The following NALCN variants were observed in gnomAD, a reference collection of about 807,000 sequenced individuals.
NALCN encodes sodium leak channel NALCN.
In NALCN, 111 loss-of-function variants were observed where a neutral mutation model predicts 225.3. That is an observed-to-expected ratio of 0.49 (90% CI 0.42 to 0.58). NALCN has a LOEUF of 0.58. Ranked by LOEUF, NALCN falls within the 20% of genes least tolerant of loss-of-function variation. The probability of loss-of-function intolerance (pLI) is 0.00; values close to 1 mark genes in which losing one functional copy is unlikely to be tolerated. For synonymous variants in NALCN, 764 were observed against 769.0 expected (o/e 0.99, Z 0.11); for missense variants, 1,378 against 2,202.4 (o/e 0.63, Z 7.49).
rs549001898 is a variant in NALCN, at chr13:101,283,940, C to A, written c.1127G>T (p.Cys376Phe). 3.1e-6 allele frequency: 5 copies of A among 1,611,182 alleles called. No homozygotes were observed. The East Asian group carries it at 8.9e-5, about 29-fold the overall frequency. The change falls in exon 10 of 44, where the codon TGC becomes TTC. Residue 376 changes from cysteine (C) to phenylalanine (F), a missense_variant. Physicochemically the swap from Cys to Phe is radical, Grantham distance 205. Coordinates refer to ENST00000251127, the MANE Select transcript of NALCN (RefSeq NM_052867.4). Reference protein sequence around the residue: ...VNKPQGRAPACLQKMMRSSVF... With the variant: ...VNKPQGRAPAFLQKMMRSSVF... The stretch of plus-strand genomic sequence containing the variant: ...AATGTCATTGTACTGCACCTGGAGG[C>A]AGGCTGGGGCGCGTCCCTGGGGCTT...
At chr13:101,066,182 C>T (rs529749052) in intron 39 of NALCN, among the ~76,000 whole-genome samples, 3 of 151,920 alleles carry the variant, frequency 2.0e-5, no homozygotes, top group Admixed American at 2.0e-4. Flanking sequence ...AAAAATTACC[C>T]GGACATAGTG....
intron 9 of NALCN, among the ~76,000 whole-genome samples, chr13:101,288,698 A>G (rs539132606): frequency 1.3e-5 from 2 of 152,350 alleles, no homozygotes; most frequent in South Asian, 4.1e-4. Context: ...TGCAATCAGA[A>G]TATTTAATTA....
At chr13:101,061,405 A>C (rs1256110573) in intron 41 of NALCN, among the ~76,000 whole-genome samples, 1 of 150,356 alleles carries the variant, frequency 6.7e-6, no homozygotes, top group Non-Finnish European at 1.5e-5. Context: ...TTTTTGAGAC[A>C]GATTCTCACT....
intron 39 of NALCN, among the ~76,000 whole-genome samples, chr13:101,066,308 CA>C (rs72260451): frequency 0.087 from 10,837 of 125,008 alleles, 407 homozygotes; most frequent in South Asian, 0.17. Flanking sequence ...GACTCCATCT[CA>C]AAAAAAAAAA....
At chr13:101,407,730 G>A (rs1042917955) in intron 1 of NALCN, among the ~76,000 whole-genome samples, 7 of 152,236 alleles carry the variant, frequency 4.6e-5, no homozygotes, top group African/African-American at 1.7e-4. Flanking sequence ...TTTGTCGGGA[G>A]AACAGAGGGA....
chr13:101,133,883 T>C (rs948567378), intron 17 of NALCN, among the ~76,000 whole-genome samples: 10 of 152,128 alleles, frequency 6.6e-5, no homozygotes, highest in African/African-American at 1.9e-4. Flanking sequence ...AGATTTCTTA[T>C]TGTAGGCCAG....
intron 6 of NALCN, among the ~76,000 whole-genome samples, chr13:101,373,841 T>A (rs1313602858): frequency 6.6e-6 from 1 of 152,142 alleles, no homozygotes; most frequent in Non-Finnish European, 1.5e-5. Context: ...TTTCAGGAAG[T>A]AGAATAATAA....
intron 18 of NALCN, among the ~76,000 whole-genome samples, chr13:101,114,715 G>A (rs752663851): frequency 2.0e-5 from 3 of 152,316 alleles, no homozygotes; most frequent in South Asian, 2.1e-4. Flanking sequence ...ACTGTGAGAT[G>A]AAAAACGTGT....
intron 7 of NALCN, among the ~76,000 whole-genome samples, chr13:101,307,768 C>A (rs1357609765): frequency 6.6e-6 from 1 of 152,162 alleles, no homozygotes; most frequent in East Asian, 1.9e-4. Flanking sequence ...GAGAACATTT[C>A]TCTGCCTTCT....
chr13:101,413,043 T>C (rs1418491345), intron 1 of NALCN, among the ~76,000 whole-genome samples: 1 of 152,178 alleles, frequency 6.6e-6, no homozygotes, highest in African/African-American at 2.4e-5. Context: ...AACATCCAAA[T>C]TATTATGTTA....
chr13:101,312,806 T>G (rs2044397628), intron 7 of NALCN, among the ~76,000 whole-genome samples: 1 of 152,164 alleles, frequency 6.6e-6, no homozygotes, highest in African/African-American at 2.4e-5. Context: ...ACCAATGACT[T>G]TCTTCACAGA....
chr13:101,258,656 G>C, intron 10 of NALCN, 82 bp from the exon 11 acceptor site: 2 of 1,570,226 alleles, frequency 1.3e-6, no homozygotes, highest in Non-Finnish European at 8.7e-7. Flanking sequence ...TTGGCTGACA[G>C]CACCTTTGTG....
chr13:101,384,816 G>A (rs759652200), intron 3 of NALCN, among the ~76,000 whole-genome samples: 17 of 152,338 alleles, frequency 1.1e-4, no homozygotes, highest in Non-Finnish European at 2.2e-4. Flanking sequence ...GAAAGCTGTT[G>A]AGGAGTGGGA....
At chr13:101,300,920 G>A (rs756438232) in intron 7 of NALCN, among the ~76,000 whole-genome samples, 2 of 152,094 alleles carry the variant, frequency 1.3e-5, no homozygotes, top group Non-Finnish European at 2.9e-5. Flanking sequence ...TTCTTTGTTT[G>A]TTTTTTACAC....
chr13:101,089,329 C>G lies in NALCN; in HGVS notation c.3489+334G>C, dbSNP rs1395724233. On this transcript the variant is annotated intron_variant, in intron 30 of 43. Coordinates refer to ENST00000251127, the MANE Select transcript of NALCN (RefSeq NM_052867.4). The surrounding 1 kb of genome is among the most constrained non-coding windows in gnomAD (Gnocchi z 4.7). ...TTTACATTTAGTGAAAGTAATATTACCTGTAATTAGCGAATCACTTTCATC... is the reference window on the plus strand; with the variant it reads ...TTTACATTTAGTGAAAGTAATATTAGCTGTAATTAGCGAATCACTTTCATC... Among the ~76,000 whole-genome samples, 3 of 152,208 alleles carry G rather than the reference C, an allele frequency of 2.0e-5. No individual in the cohort carries two copies. The highest frequency in any genetic ancestry group is 4.4e-5 in the Non-Finnish European group (3 of 68,044).
chr13:101,194,103 A>T (rs1412897955), intron 13 of NALCN, among the ~76,000 whole-genome samples: 1 of 152,144 alleles, frequency 6.6e-6, no homozygotes, highest in Non-Finnish European at 1.5e-5. Flanking sequence ...GAACCAGCTG[A>T]TGTTTTCTCA....
chr13:101,288,339 C>T (rs1228640430), intron 9 of NALCN, among the ~76,000 whole-genome samples: 1 of 152,198 alleles, frequency 6.6e-6, no homozygotes, highest in Non-Finnish European at 1.5e-5. Context: ...ACAGTAAACA[C>T]ATTTTTGCTA....
At chr13:101,162,876 C>T (rs2038253917) in intron 15 of NALCN, among the ~76,000 whole-genome samples, 1 of 152,192 alleles carries the variant, frequency 6.6e-6, no homozygotes, top group African/African-American at 2.4e-5. Context: ...TGTTTGGGCA[C>T]ATCTTCCCTC....
chr13:101,107,389 C>A (rs1222524170), intron 22 of NALCN, 98 bp downstream of exon 22: 2 of 1,571,488 alleles, frequency 1.3e-6, no homozygotes, highest in Non-Finnish European at 1.7e-6. Flanking sequence ...TATTTTGTGA[C>A]CCCATTAGGA....
Sources: gnomAD v4.1 joint callset for allele counts (sites outside exome capture counted in the v4.1 genomes callset) on GRCh38, gnomAD v4.1.1 for gene constraint, Gnocchi (gnomAD v3.1) non-coding constraint, MANE v1.5 for transcripts, NCBI Gene and HGNC (gene_info 2026-07-23, HGNC 2026-07-21) for gene names.